Variants in RRM1 observed in about 807,000 individuals in gnomAD.
RRM1 encodes the protein ribonucleoside-diphosphate reductase large subunit.
RRM1 carries 19 observed loss-of-function variants against 101.5 expected under a neutral mutation model. That is an observed-to-expected ratio of 0.19 (90% CI 0.13 to 0.27). The LOEUF is 0.27. RRM1 is among the 10% of genes least tolerant of loss of function. The pLI is 1.00. For missense variants in RRM1, 500 were observed against 962.9 expected, an observed-to-expected ratio of 0.52 and a Z score of 6.36; for synonymous variants, 298 against 323.4, an observed-to-expected ratio of 0.92 and a Z score of 0.84.
chr11:4,133,132 A>C (rs1253561755), intron 16 of RRM1, among the ~76,000 whole-genome samples: 3 of 152,158 alleles, frequency 2.0e-5, no homozygotes, highest in Non-Finnish European at 4.4e-5. Flanking sequence ...TAATGATTAG[A>C]TATGTGTATA....
At chr11:4,137,722 G>C (rs866279437) in intron 18 of RRM1, among the ~76,000 whole-genome samples, 1 of 17,276 alleles carries the variant, frequency 5.8e-5, no homozygotes, top group Non-Finnish European at 1.6e-4. Context: ...GGGCAGAGGG[G>C]CTCCTCACTT....
At chr11:4,110,777 A>G (rs977025165) in intron 5 of RRM1, among the ~76,000 whole-genome samples, 1 of 151,410 alleles carries the variant, frequency 6.6e-6, no homozygotes, top group African/African-American at 2.4e-5. Context: ...TCAAAAAAAA[A>G]AAAAAAAAAA....
intron 1 of RRM1, among the ~76,000 whole-genome samples, chr11:4,100,983 TG>T (rs1260088144): frequency 6.6e-6 from 1 of 152,142 alleles, no homozygotes; most frequent in Non-Finnish European, 1.5e-5. Flanking sequence ...AAGACTTTTT[TG>T]TCTAGAAGGA....
intron 4 of RRM1, among the ~76,000 whole-genome samples, chr11:4,108,522 C>T (rs1041832898): frequency 6.4e-5 from 9 of 141,110 alleles, no homozygotes; most frequent in Non-Finnish European, 1.1e-4. Flanking sequence ...GGCGTGAACC[C>T]GGGAGGCGGA....
At position 4,138,281 on chromosome 11, in the gene RRM1, T is replaced by C. The variant is rs775433409; in HGVS notation, c.2277T>C (p.Asp759=). ...QFTLNKEKLK[D]KEKVSKEEEE... is the part of the protein sequence containing the mutation. ...CTCTAAATAAGGAGAAGCTAAAAGATAAAGAAAAGGTATCAAAAGAGGAAG... is the reference window on the plus strand; with the variant it reads ...CTCTAAATAAGGAGAAGCTAAAAGACAAAGAAAAGGTATCAAAAGAGGAAG... The change falls in exon 19 of 19, where the codon GAT becomes GAC. Residue 759 remains aspartate, a synonymous_variant. Coordinates refer to ENST00000300738, the MANE Select transcript of RRM1 (RefSeq NM_001033.5). 2.5e-6 allele frequency: 4 copies of C among 1,610,634 alleles called. No individual in the cohort carries two copies. In the South Asian group the frequency reaches 4.4e-5, roughly 18 times the overall value.
chr11:4,114,283 G>GT (rs1379576347), intron 7 of RRM1, among the ~76,000 whole-genome samples: 1 of 152,150 alleles, frequency 6.6e-6, no homozygotes, highest in African/African-American at 2.4e-5. Context: ...GCTGGGCGTG[G>GT]TGGGTCATGC....
At chr11:4,103,961 A>G (rs1444670268) in intron 2 of RRM1, among the ~76,000 whole-genome samples, 1 of 151,272 alleles carries the variant, frequency 6.6e-6, no homozygotes, top group Non-Finnish European at 1.5e-5. Flanking sequence ...AAAAAAAAAA[A>G]AAAAAAATTG....
intron 8 of RRM1, chr11:4,119,118 C>T (rs904115853): frequency 2.6e-5 from 4 of 152,282 alleles, no homozygotes; most frequent in African/African-American, 9.6e-5. Flanking sequence ...TATTTTGTGT[C>T]TGAGTTTGTT....
chr11:4,095,606 C>A (rs920130916), intron 1 of RRM1, among the ~76,000 whole-genome samples: 4 of 152,142 alleles, frequency 2.6e-5, no homozygotes, highest in African/African-American at 9.7e-5. Context: ...AAAAACAGAT[C>A]CCAGACAGAC....
intron 2 of RRM1, among the ~76,000 whole-genome samples, chr11:4,103,424 T>C (rs996568891): frequency 1.3e-5 from 2 of 152,034 alleles, no homozygotes; most frequent in Admixed American, 1.3e-4. Flanking sequence ...GAGAGGGGAG[T>C]GACTTAAGTT....
chr11:4,113,296 A>T (rs2094568092), intron 7 of RRM1, among the ~76,000 whole-genome samples: 1 of 152,234 alleles, frequency 6.6e-6, no homozygotes, highest in South Asian at 2.1e-4. Context: ...TTGGCAAAAG[A>T]TACCCAATAA....
At position 4,095,047 on chromosome 11, in the gene RRM1, G is replaced by A. The variant is rs539380569; in HGVS notation, c.19+16G>A. 6.4e-7 allele frequency: 1 copy of A among 1,567,452 alleles called. No individual in the cohort carries two copies. ...ATCAAGCGAGGTGAGGGGGGGACGA[G>A]GTGGGCGAGAAGGAAGGTGAGGGGA... On this transcript the variant is annotated intron_variant, in intron 1 of 18. Transcript: ENST00000300738.
rs200388706 is a variant in RRM1 at position 4,111,649 on chromosome 11, T to C, written c.487+9T>C. The C allele has an allele frequency of 4.4e-6, 7 of 1,593,968 alleles. No individual in the cohort carries two copies. The East Asian group carries it at 1.6e-4, about 36-fold the overall frequency. ...GAAGATCAATGGAAAAGGTGAGAAATGAACATGTTTGTCTGTTACATTTTC... is the reference window on the plus strand; with the variant it reads ...GAAGATCAATGGAAAAGGTGAGAAACGAACATGTTTGTCTGTTACATTTTC... On this transcript the variant is annotated intron_variant, in intron 6 of 18. Coordinates refer to ENST00000300738, the MANE Select transcript of RRM1 (RefSeq NM_001033.5).
intron 5 of RRM1, 61 bp from the exon 6 acceptor site, chr11:4,111,540 A>G: frequency 8.9e-7 from 1 of 1,126,872 alleles, no homozygotes; most frequent in Non-Finnish European, 1.3e-6. Context: ...TGTGGATGAT[A>G]TATCCACTGC....
chr11:4,097,399 T>G (rs1264270113), intron 1 of RRM1, among the ~76,000 whole-genome samples: 1 of 151,972 alleles, frequency 6.6e-6, no homozygotes. Flanking sequence ...TGCTGTAGAT[T>G]CTGCCATTGT....
chr11:4,130,082 ATATAT>A (rs1345813644), intron 15 of RRM1, among the ~76,000 whole-genome samples: 4 of 96,906 alleles, frequency 4.1e-5, no homozygotes, highest in African/African-American at 2.3e-4. Context: ...ATATATATAT[ATATAT>A]TTTTTTTTTT....
intron 12 of RRM1, among the ~76,000 whole-genome samples, chr11:4,124,768 A>C (rs2094586874): frequency 6.6e-6 from 1 of 151,924 alleles, no homozygotes; most frequent in African/African-American, 2.4e-5. Context: ...ACCTCAACAG[A>C]GTTCTTTCTT....
intron 4 of RRM1, among the ~76,000 whole-genome samples, chr11:4,107,845 A>G (rs563069545): frequency 6.3e-4 from 96 of 152,186 alleles, no homozygotes; most frequent in African/African-American, 2.1e-3. Context: ...TGTTTGTTCT[A>G]TATCAGCCTT....
rs748347590 is a variant in RRM1 at position 4,118,437 on chromosome 11, G to A, written c.768G>A (p.Arg256=). 9.3e-6 allele frequency: 15 copies of A among 1,613,866 alleles called. No individual in the cohort carries two copies. The South Asian group carries it at 1.5e-4, about 17-fold the overall frequency. Residue 256 remains arginine (R), a synonymous_variant, in exon 8 of 19, where the codon CGG becomes CGA. Transcript: ENST00000300738. ...TTGGTGTTGCTGTGAGTTGTATTCG[G>A]GCTACTGGCAGCTACATTGCTGGGG... ...GGIGVAVSCI[R]ATGSYIAGTN...
Sources: gnomAD v4.1 joint callset for allele counts (sites outside exome capture counted in the v4.1 genomes callset) on GRCh38, gnomAD v4.1.1 for gene constraint, MANE v1.5 for transcripts, NCBI Gene and HGNC (gene_info 2026-07-23, HGNC 2026-07-21) for gene names.